CPNE2: variants seen among roughly 807,000 people sequenced by gnomAD.
The protein encoded by CPNE2 is copine-2.
In CPNE2, 42 loss-of-function variants were observed where a neutral mutation model predicts 69.7. The ratio of observed to expected loss-of-function variants is 0.60; its 90% CI spans 0.47 to 0.78. CPNE2 has a LOEUF of 0.78. Among genes scored for constraint, CPNE2 ranks in the 30% least tolerant of loss-of-function variants. The pLI, the probability that CPNE2 is intolerant of heterozygous loss-of-function variation, is 0.00. For synonymous variants in CPNE2, 294 were observed against 289.8 expected (o/e 1.01, Z -0.15); for missense variants, 587 against 732.0 (o/e 0.80, Z 2.29).
At chr16:57,135,849 G>A (rs1464062657) in intron 13 of CPNE2, among the ~76,000 whole-genome samples, 3 of 134,970 alleles carry the variant, frequency 2.2e-5, no homozygotes, top group African/African-American at 8.3e-5. Flanking sequence ...ACTCCAGCCT[G>A]GGTAACAGAG....
chr16:57,117,759 G>A (rs1216319182), intron 5 of CPNE2, among the ~76,000 whole-genome samples, 192 bp downstream of exon 5: 1 of 152,136 alleles, frequency 6.6e-6, no homozygotes, highest in Non-Finnish European at 1.5e-5. Context: ...CCATCCCTTA[G>A]GGGTATTCAA....
intron 1 of CPNE2, among the ~76,000 whole-genome samples, chr16:57,093,399 G>A (rs868262059): frequency 2.6e-5 from 4 of 152,284 alleles, no homozygotes; most frequent in Middle Eastern, 3.4e-3. Flanking sequence ...GTGTGGGGGT[G>A]GGCATGGAGA....
At position 57,137,344 on chromosome 16, in the gene CPNE2, C is replaced by A. The variant is rs1358479272; in HGVS notation, c.1302+62C>A. ...CACGCACGTCCTCTGGGCTGGGGGG[C>A]AGGATATTCTGCCTTCTCTTTGCTT... On this transcript the variant is annotated intron_variant, in intron 14 of 15. Coordinates refer to ENST00000290776, the MANE Select transcript of CPNE2 (RefSeq NM_152727.6). 3.8e-6 allele frequency: 6 copies of A among 1,587,998 alleles called. No homozygotes were observed. In the African/African-American group the frequency reaches 6.7e-5, roughly 18 times the overall value.
intron 13 of CPNE2, among the ~76,000 whole-genome samples, chr16:57,135,675 A>C (rs1597504587): frequency 3.3e-5 from 5 of 151,560 alleles, no homozygotes; most frequent in Admixed American, 3.3e-4. Flanking sequence ...GGAGTTCAAG[A>C]CCAGCCTGGC....
chr16:57,104,193 CA>C (rs2069634085), intron 1 of CPNE2, among the ~76,000 whole-genome samples: 2 of 152,174 alleles, frequency 1.3e-5, no homozygotes, highest in South Asian at 4.1e-4. Flanking sequence ...GCTGGGATCA[CA>C]GGTGTGAGCC....
At chr16:57,138,540 C>T (rs1320273256) in intron 14 of CPNE2, among the ~76,000 whole-genome samples, 2 of 152,190 alleles carry the variant, frequency 1.3e-5, no homozygotes, top group African/African-American at 2.4e-5. Context: ...GATTCTGCCA[C>T]CTAACCCCCC....
intron 1 of CPNE2, among the ~76,000 whole-genome samples, chr16:57,100,461 TA>T (rs1433939228): frequency 6.6e-6 from 1 of 152,246 alleles, no homozygotes; most frequent in African/African-American, 2.4e-5. Flanking sequence ...TTTGAGCCAG[TA>T]TCTGCAGTGC....
intron 14 of CPNE2, among the ~76,000 whole-genome samples, chr16:57,140,684 C>A (rs2069915179): frequency 1.3e-5 from 2 of 152,014 alleles, no homozygotes; most frequent in Non-Finnish European, 2.9e-5. Context: ...CCTGACTCAA[C>A]CTCCTGAGTA....
Position 57,147,734 on chromosome 16 carries a change from C to G in CPNE2, c.*76C>G, listed in dbSNP as rs2069970855. ...GGAACATGCACGCTCACTCTGCTTC[C>G]TTGTGGGTGGCCTTTTTTTACCGAT... On this transcript the variant is annotated 3_prime_UTR_variant, in exon 16 of 16. Coordinates refer to ENST00000290776, the MANE Select transcript of CPNE2 (RefSeq NM_152727.6). The G allele has an allele frequency of 1.0e-6, 1 of 957,224 alleles. No homozygotes were observed. Among genetic ancestry groups the G allele is most frequent in the Non-Finnish European group, 1.5e-6 (1 of 684,232 alleles). 59.3% of individuals were successfully genotyped at this position (957,224 alleles called of 1,614,324 possible).
At chr16:57,112,461 G>A (rs2069687776) in intron 2 of CPNE2, among the ~76,000 whole-genome samples, 1 of 151,640 alleles carries the variant, frequency 6.6e-6, no homozygotes, top group Admixed American at 6.6e-5. Context: ...CAGCCACCCT[G>A]GCTAAAAATA....
At chr16:57,121,859 C>A in intron 9 of CPNE2, 99 bp downstream of exon 9, 3 of 1,129,886 alleles carry the variant, frequency 2.7e-6, no homozygotes, top group South Asian at 2.7e-5. Flanking sequence ...GGCCTGTGTT[C>A]AAATCCCGGC....
chr16:57,123,302 C>CT, intron 9 of CPNE2, 112 bp from the exon 10 acceptor site: 9 of 1,102,314 alleles, frequency 8.2e-6, no homozygotes, highest in East Asian at 2.4e-5. Flanking sequence ...GGCCCATCAG[C>CT]TTTTTTTGAC....
chr16:57,122,060 C>T (rs531082768), intron 9 of CPNE2, among the ~76,000 whole-genome samples: 24 of 152,342 alleles, frequency 1.6e-4, no homozygotes, highest in African/African-American at 4.6e-4. Flanking sequence ...ATTGTCATTG[C>T]GAGTTGCTGC....
At chr16:57,095,375 T>C (rs1263874615) in intron 1 of CPNE2, among the ~76,000 whole-genome samples, 4 of 152,208 alleles carry the variant, frequency 2.6e-5, no homozygotes, top group African/African-American at 9.6e-5. Context: ...TCTGCCCTCA[T>C]TGGGCCACTG....
intron 1 of CPNE2, among the ~76,000 whole-genome samples, chr16:57,096,631 C>T (rs1338504874): frequency 2.7e-5 from 4 of 147,450 alleles, no homozygotes; most frequent in African/African-American, 7.6e-5. Context: ...CCCAGGAGGT[C>T]GAGGCTGCAG....
Position 57,146,973 on chromosome 16 carries a change from G to C in CPNE2, c.1540-578G>C, listed in dbSNP as rs1333385097. The C allele has an allele frequency of 1.3e-5, 2 of 152,996 alleles. No homozygotes were observed. Among genetic ancestry groups the C allele is most frequent in the African/African-American group, 2.4e-5 (1 of 41,446 alleles). 9.5% of individuals were successfully genotyped at this position (152,996 alleles called of 1,614,324 possible). A position where few individuals can be genotyped will look rare whatever the true frequency, so the allele number is the denominator to read the frequency against. On this transcript the variant is annotated intron_variant, in intron 15 of 15. Coordinates refer to ENST00000290776, the MANE Select transcript of CPNE2 (RefSeq NM_152727.6). The surrounding 1 kb of genome is among the most constrained non-coding windows in gnomAD (Gnocchi z 4.4). Reference sequence around the variant, plus strand: ...ATGCCACCCCCATACTGCTGGCTGGGGGCTTAACCCAGCCTCAGCAAGAAC... The same window carrying C: ...ATGCCACCCCCATACTGCTGGCTGGCGGCTTAACCCAGCCTCAGCAAGAAC...
chr16:57,139,067 G>A (rs2069903434), intron 14 of CPNE2, among the ~76,000 whole-genome samples: 1 of 152,254 alleles, frequency 6.6e-6, no homozygotes, highest in Non-Finnish European at 1.5e-5. Context: ...CAGAGAGCCG[G>A]TTGTGCAGGA....
intron 10 of CPNE2, 89 bp from the exon 11 acceptor site, chr16:57,125,770 AT>A (rs1269963507): frequency 6.6e-7 from 1 of 1,520,698 alleles, no homozygotes; most frequent in African/African-American, 1.4e-5. Context: ...TGGGCTTCCC[AT>A]GTCCCATCTA....
At chr16:57,137,377 T>C in intron 14 of CPNE2, 95 bp downstream of exon 14, 1 of 1,464,298 alleles carries the variant, frequency 6.8e-7, no homozygotes, top group Non-Finnish European at 9.3e-7. Context: ...CTTTAAATCC[T>C]AGTGGACACC....
Sources: gnomAD v4.1 joint callset for allele counts (sites outside exome capture counted in the v4.1 genomes callset) on GRCh38, gnomAD v4.1.1 for gene constraint, Gnocchi (gnomAD v3.1) non-coding constraint, MANE v1.5 for transcripts, NCBI Gene and HGNC (gene_info 2026-07-23, HGNC 2026-07-21) for gene names.